The following CDYL2 variants were observed in gnomAD, a reference collection of about 807,000 sequenced individuals.
CDYL2 encodes chromodomain Y like 2.
In CDYL2, 23 loss-of-function variants were observed where a neutral mutation model predicts 49.4. The ratio of observed to expected loss-of-function variants is 0.47; its 90% CI spans 0.34 to 0.66. CDYL2 has a LOEUF of 0.66. CDYL2 is among the 30% of genes least tolerant of loss of function. The pLI is 0.01. For synonymous variants in CDYL2, 360 were observed against 268.8 expected, an observed-to-expected ratio of 1.34 and a Z score of -3.32; for missense variants, 678 against 656.4, an observed-to-expected ratio of 1.03 and a Z score of -0.36.
intron 3 of CDYL2, among the ~76,000 whole-genome samples, chr16:80,623,192 G>T (rs969496166): frequency 1.3e-5 from 2 of 152,062 alleles, no homozygotes; most frequent in Admixed American, 1.3e-4. Flanking sequence ...TAAAGCCCCA[G>T]CCCCGACGTA....
intron 4 of CDYL2, among the ~76,000 whole-genome samples, chr16:80,618,286 C>A (rs542158479): frequency 1.1e-4 from 17 of 152,220 alleles, no homozygotes; most frequent in South Asian, 2.1e-4. Context: ...GCCCCAGCCA[C>A]GTTCTCCTAC....
rs1907062491 is a variant in CDYL2 at position 80,621,019 on chromosome 16, C to G, written c.835-84G>C. On this transcript the variant is annotated intron_variant, in intron 3 of 6. Coordinates refer to ENST00000570137, the MANE Select transcript of CDYL2 (RefSeq NM_152342.4). ...TTCAGACTGCAAGACAGCCAGAGGC[C>G]TGACCCCCTGAGGGTAGAGGCCAGG... 6 of 1,410,028 alleles carry G rather than the reference C, an allele frequency of 4.3e-6. No individual in the cohort carries two copies. The South Asian group carries it at 9.1e-5, about 21-fold the overall frequency. The allele number at this position is 1,410,028 out of a possible 1,614,324, so 87.3% of individuals were successfully genotyped here. A position where few individuals can be genotyped will look rare whatever the true frequency, so the allele number is the denominator to read the frequency against.
chr16:80,751,081 A>G (rs961710421), intron 1 of CDYL2, among the ~76,000 whole-genome samples: 1 of 152,364 alleles, frequency 6.6e-6, no homozygotes, highest in South Asian at 2.1e-4. Flanking sequence ...CTCATTTTAC[A>G]TTATAGAAAA....
intron 1 of CDYL2, among the ~76,000 whole-genome samples, chr16:80,734,714 G>A (rs746563984): frequency 7.9e-5 from 12 of 152,142 alleles, no homozygotes; most frequent in Admixed American, 5.9e-4. Context: ...AGATATACCT[G>A]CTTAAGCTTA....
chr16:80,680,796 T>C (rs1909939137), intron 2 of CDYL2, among the ~76,000 whole-genome samples: 1 of 152,106 alleles, frequency 6.6e-6, no homozygotes, highest in South Asian at 2.1e-4. Flanking sequence ...GGAGCTCCTG[T>C]ACACACCTGT....
chr16:80,703,438 G>T (rs1400127782), intron 1 of CDYL2, among the ~76,000 whole-genome samples: 2 of 152,134 alleles, frequency 1.3e-5, no homozygotes, highest in African/African-American at 4.8e-5. Flanking sequence ...CTTATCCCCA[G>T]ATTCAGGATT....
intron 1 of CDYL2, among the ~76,000 whole-genome samples, chr16:80,767,307 CAAAGA>C (rs1222450812): frequency 6.6e-6 from 1 of 152,076 alleles, no homozygotes; most frequent in Non-Finnish European, 1.5e-5. Flanking sequence ...TGAAAATTTT[CAAAGA>C]AAAGTTCTCT....
chr16:80,674,691 G>A (rs1909670098), intron 2 of CDYL2, among the ~76,000 whole-genome samples: 1 of 152,194 alleles, frequency 6.6e-6, no homozygotes, highest in South Asian at 2.1e-4. Flanking sequence ...CTGGACATTT[G>A]ACATAAGTGG....
At chr16:80,750,301 C>T (rs992830376) in intron 1 of CDYL2, among the ~76,000 whole-genome samples, 4 of 150,512 alleles carry the variant, frequency 2.7e-5, no homozygotes, top group African/African-American at 9.8e-5. Context: ...AAAACACACC[C>T]ACAAATATCA....
intron 1 of CDYL2, among the ~76,000 whole-genome samples, chr16:80,790,016 T>A (rs886859805): frequency 1.3e-5 from 2 of 152,208 alleles, no homozygotes; most frequent in Non-Finnish European, 2.9e-5. Context: ...GTAATACTTA[T>A]GTAACAAACT....
At chr16:80,769,496 G>C (rs1000412477) in intron 1 of CDYL2, among the ~76,000 whole-genome samples, 1 of 152,210 alleles carries the variant, frequency 6.6e-6, no homozygotes, top group Non-Finnish European at 1.5e-5. Context: ...CTAGCTGCCA[G>C]TGACGACAGC....
In CDYL2 at chr16:80,705,551, T is replaced by C. The variant is rs188164190; in HGVS notation, c.25-20422A>G. On this transcript the variant is annotated intron_variant, in intron 1 of 6. Coordinates refer to ENST00000570137, the MANE Select transcript of CDYL2 (RefSeq NM_152342.4). The stretch of plus-strand genomic sequence containing the variant: ...GCAGGTCCCCTGGCAGAATCTGTTC[T>C]TCCTATTCCAACAAAGATCTGTTGC... 2.5e-4 allele frequency among the ~76,000 whole-genome samples: 38 copies of C among 152,366 alleles called. 1 individual carries two copies. Among genetic ancestry groups the C allele is most frequent in the Admixed American group, 2.4e-3 (37 of 15,310 alleles).
Position 80,685,121 on chromosome 16 carries a change from C to A in CDYL2, c.33G>T (p.Arg11Ser). ...TCTTGTTCTTCCTCTTGTCTACAATCCTTTCAACCTGCGATACAAGATGAG... is the reference window on the plus strand; with the variant it reads ...TCTTGTTCTTCCTCTTGTCTACAATACTTTCAACCTGCGATACAAGATGAG... MASGDLYEVE[R>S]IVDKRKNKKG... Residue 11 changes from arginine (R) to serine (S), a missense_variant, in exon 2 of 7, where the codon AGG becomes AGT. Physicochemically the swap from Arg to Ser is moderately radical, Grantham distance 110 (BLOSUM62 -1). This residue lies in a region of CDYL2 where 478 missense variants were observed against 427.0 expected (regional missense o/e 1.12). Transcript: ENST00000570137. 3 of 1,608,218 alleles carry A rather than the reference C, an allele frequency of 1.9e-6. No individual in the cohort carries two copies. Among genetic ancestry groups the A allele is most frequent in the Non-Finnish European group, 2.6e-6 (3 of 1,176,398 alleles).
intron 2 of CDYL2, among the ~76,000 whole-genome samples, chr16:80,658,954 T>A (rs1908922403): frequency 6.6e-6 from 1 of 152,166 alleles, no homozygotes; most frequent in Admixed American, 6.5e-5. Flanking sequence ...ACTGGCCAAA[T>A]CTTGGATGTT....
rs1283855470 is a variant in CDYL2 at position 80,612,083 on chromosome 16, G to C, written c.1218+543C>G. Reference sequence around the variant, plus strand: ...CTGCGTCTCCCGGCCTCCCTTGCAGGCGCATGTGACCAGAAGCTGAGTCAT... The same window carrying C: ...CTGCGTCTCCCGGCCTCCCTTGCAGCCGCATGTGACCAGAAGCTGAGTCAT... On this transcript the variant is annotated intron_variant, in intron 5 of 6. Transcript: ENST00000570137. This position sits in a 1 kb window ranked among gnomAD's most constrained non-coding sequence, Gnocchi z 5.0. 2.0e-5 allele frequency among the ~76,000 whole-genome samples: 3 copies of C among 152,234 alleles called. No homozygotes were observed. The highest frequency in any genetic ancestry group is 7.2e-5 in the African/African-American group (3 of 41,464).
chr16:80,714,007 T>C (rs972368591), intron 1 of CDYL2, among the ~76,000 whole-genome samples: 2 of 152,162 alleles, frequency 1.3e-5, no homozygotes, highest in South Asian at 2.1e-4. Flanking sequence ...GTGCCGAACA[T>C]TGTGGAGGAA....
intron 1 of CDYL2, among the ~76,000 whole-genome samples, chr16:80,758,648 T>G (rs923835779): frequency 4.0e-5 from 6 of 150,150 alleles, no homozygotes; most frequent in Non-Finnish European, 8.9e-5. Context: ...GTTCACGCCA[T>G]TCTCCTGCCT....
At chr16:80,745,964 C>A (rs1029985359) in intron 1 of CDYL2, among the ~76,000 whole-genome samples, 2 of 152,154 alleles carry the variant, frequency 1.3e-5, no homozygotes, top group African/African-American at 2.4e-5. Context: ...GTCAGGATAC[C>A]CCCTCCTGCT....
chr16:80,656,379 G>A (rs78499851), intron 2 of CDYL2, among the ~76,000 whole-genome samples: 1 of 152,252 alleles, frequency 6.6e-6, no homozygotes, highest in East Asian at 1.9e-4. Flanking sequence ...AAAAGCCAGG[G>A]TGACGTCCAG....
Sources: gnomAD v4.1 joint callset for allele counts (sites outside exome capture counted in the v4.1 genomes callset) on GRCh38, gnomAD v4.1.1 for gene constraint, gnomAD v4.1.1 regional missense constraint, Gnocchi (gnomAD v3.1) non-coding constraint, MANE v1.5 for transcripts, NCBI Gene and HGNC (gene_info 2026-07-23, HGNC 2026-07-21) for gene names.